MMP27: variants seen among roughly 807,000 people sequenced by gnomAD.
MMP27 encodes matrix metallopeptidase 27, also known as matrix metalloproteinase-27.
MMP27 carries 51 observed loss-of-function variants against 48.1 expected under a neutral mutation model. The observed-to-expected ratio is 1.06, with a 90% CI of 0.85 to 1.34. The LOEUF (loss-of-function observed/expected upper bound fraction) is 1.34. MMP27 is among the 40% of genes most tolerant of loss of function. The probability of loss-of-function intolerance (pLI) is 0.00; values close to 1 mark genes in which losing one functional copy is unlikely to be tolerated. For synonymous variants in MMP27, 229 were observed against 208.9 expected (o/e 1.10, Z -0.83); for missense variants, 698 against 619.3 (o/e 1.13, Z -1.35).
rs1260474057 is a variant in MMP27 at position 102,696,699 on chromosome 11, A to C, written c.756T>G (p.Asp252Glu). 3.1e-6 allele frequency: 5 copies of C among 1,613,510 alleles called. No individual in the cohort carries two copies. In the South Asian group the frequency reaches 5.5e-5, roughly 18 times the overall value. The change falls in exon 5 of 10, where the codon GAT becomes GAG. Residue 252 changes from aspartate (D) to glutamate (E), a missense_variant. Transcript: ENST00000260229. ...CATAGATGGACTGGATTCCATTGATATCATCCTGAGAAAGTGGGTATTTTC... is the reference window on the plus strand; with the variant it reads ...CATAGATGGACTGGATTCCATTGATCTCATCCTGAGAAAGTGGGTATTTTC... ...DPRKYPLSQDDINGIQSIYGG... is the reference protein window; with the variant it reads ...DPRKYPLSQDEINGIQSIYGG...
At position 102,698,105 on chromosome 11, in the gene MMP27, T is replaced by C. The variant is rs1427578728; in HGVS notation, c.620-1270A>G. ...TTTTTGTACAAGTAGGAGTACATTC[T>C]AAAATAACCATAAGAGGTATAGTAC... On this transcript the variant is annotated intron_variant, in intron 4 of 9. Transcript: ENST00000260229. Among the ~76,000 whole-genome samples the C allele has an allele frequency of 2.6e-5, 4 of 152,188 alleles. No individual in the cohort carries two copies. The East Asian group carries it at 7.7e-4, about 29-fold the overall frequency.
At position 102,703,113 on chromosome 11, in the gene MMP27, A is replaced by G. The variant is rs1565429624; in HGVS notation, c.347T>C (p.Ile116Thr). 3 of 1,609,598 alleles carry G rather than the reference A, an allele frequency of 1.9e-6. No homozygotes were observed. The highest frequency in any genetic ancestry group is 1.7e-5 in the Admixed American group (1 of 58,876). The part of the protein sequence containing the change: ...WRKYNLTYRI[I>T]NYTPDMARAA... ...TCGTGCCATATCCGGAGTATAGTTT[A>G]TTATTCTTAAAAATTAACAAAAATA... The change falls in exon 3 of 10, where the codon ATA becomes ACA. Residue 116 changes from isoleucine (I) to threonine (T), a missense_variant. Ile to Thr is a moderately conservative substitution (Grantham distance 89). Coordinates refer to ENST00000260229, the MANE Select transcript of MMP27 (RefSeq NM_022122.3).
At chr11:102,699,818 C>T (rs145337634) in intron 4 of MMP27, among the ~76,000 whole-genome samples, 1 of 152,320 alleles carries the variant, frequency 6.6e-6, no homozygotes, top group African/African-American at 2.4e-5. Flanking sequence ...ATCCTATTCG[C>T]CATTTTAGCC....
At chr11:102,698,060 A>G (rs1285267508) in intron 4 of MMP27, among the ~76,000 whole-genome samples, 1 of 152,064 alleles carries the variant, frequency 6.6e-6, no homozygotes. Context: ...ACAGTTACCT[A>G]TTCTTTCTTT....
At position 102,692,818 on chromosome 11, in the gene MMP27, G is replaced by T; in HGVS notation, c.1297+120C>A. The stretch of plus-strand genomic sequence containing the variant: ...GTTTGTGGGGTTAATGTTTATTATT[G>T]TATATACTTAAGAGTAGCAAAATTG... On this transcript the variant is annotated intron_variant, in intron 9 of 9. Coordinates refer to ENST00000260229, the MANE Select transcript of MMP27 (RefSeq NM_022122.3). The T allele has an allele frequency of 7.1e-6, 5 of 702,990 alleles. No homozygotes were observed. In the South Asian group the frequency reaches 7.1e-5, roughly 10 times the overall value. The allele number at this position is 702,990 out of a possible 1,614,324, so 43.5% of individuals were successfully genotyped here.
rs149812545 is a variant in MMP27 at position 102,691,986 on chromosome 11, G to T, written c.1322C>A (p.Ser441Ter). The change falls in exon 10 of 10, where the codon TCA (serine) becomes TAA (stop). Residue 441 changes from serine to a stop codon, truncating the protein, a stop_gained. Transcript: ENST00000260229. LOFTEE classifies it low-confidence loss of function (END_TRUNC). ...CTTAATGTCGTATTCAAATTGCTTT[G>T]ATCCACGGCTGAAAAAGAAGAATCC... ...YKGFFFFSRGSKQFEYDIKTK... is the reference protein window; with the variant it reads ...YKGFFFFSRG 5.6e-6 allele frequency: 9 copies of T among 1,605,502 alleles called. No individual in the cohort carries two copies. Among genetic ancestry groups the T allele is most frequent in the Non-Finnish European group, 7.7e-6 (9 of 1,175,462 alleles).
intron 4 of MMP27, among the ~76,000 whole-genome samples, chr11:102,702,355 C>T (rs1860955068): frequency 6.6e-6 from 1 of 152,238 alleles, no homozygotes; most frequent in Non-Finnish European, 1.5e-5. Context: ...CAGATGACTT[C>T]TGCCACTGGT....
intron 9 of MMP27, 65 bp from the exon 10 acceptor site, chr11:102,692,075 T>A: frequency 7.3e-7 from 1 of 1,365,868 alleles, no homozygotes; most frequent in Non-Finnish European, 9.6e-7. Flanking sequence ...ACTTTTAAAT[T>A]TTATAAACAT....
intron 4 of MMP27, among the ~76,000 whole-genome samples, chr11:102,701,429 A>G (rs1195300150): frequency 3.3e-5 from 5 of 152,210 alleles, no homozygotes; most frequent in African/African-American, 9.6e-5. Context: ...CTCTGCCTCT[A>G]GCTATGAAAG....
intron 6 of MMP27, among the ~76,000 whole-genome samples, chr11:102,696,080 G>T (rs1365301499): frequency 1.3e-5 from 2 of 152,206 alleles, no homozygotes; most frequent in Non-Finnish European, 2.9e-5. Flanking sequence ...GTTGGCTTCA[G>T]TAGGCCACTG....
chr11:102,701,908 G>A (rs1860946765), intron 4 of MMP27, among the ~76,000 whole-genome samples: 1 of 152,160 alleles, frequency 6.6e-6, no homozygotes, highest in Admixed American at 6.5e-5. Flanking sequence ...CTGTGTCCTT[G>A]TATACTATCC....
chr11:102,702,643 T>C, intron 4 of MMP27, 110 bp downstream of exon 4: 5 of 1,264,620 alleles, frequency 4.0e-6, no homozygotes, highest in Non-Finnish European at 5.5e-6. Flanking sequence ...TATGGAAAAT[T>C]GTGGGGACAT....
chr11:102,696,177 A>G (rs894794425), intron 6 of MMP27, among the ~76,000 whole-genome samples, 194 bp downstream of exon 6: 2 of 152,216 alleles, frequency 1.3e-5, no homozygotes, highest in Non-Finnish European at 2.9e-5. Flanking sequence ...AAAATTCCTT[A>G]AAGACATTTA....
At chr11:102,701,156 G>A (rs1346224852) in intron 4 of MMP27, among the ~76,000 whole-genome samples, 1 of 152,176 alleles carries the variant, frequency 6.6e-6, no homozygotes, top group Non-Finnish European at 1.5e-5. Context: ...TTTCTACTCT[G>A]AGGGACTGAA....
At chr11:102,701,888 C>T (rs1399791519) in intron 4 of MMP27, among the ~76,000 whole-genome samples, 2 of 152,264 alleles carry the variant, frequency 1.3e-5, no homozygotes, top group East Asian at 1.9e-4. Context: ...GATACATGGT[C>T]GGGAATGATC....
At position 102,704,585 on chromosome 11, in the gene MMP27, T is replaced by A; in HGVS notation, c.293A>T (p.Gln98Leu). 6.2e-7 allele frequency: 1 copy of A among 1,614,216 alleles called. No homozygotes were observed. The highest frequency in any genetic ancestry group is 8.5e-7 in the Non-Finnish European group (1 of 1,180,032). Residue 98 changes from glutamine to leucine, a missense_variant, in exon 2 of 10, where the codon CAG (glutamine) becomes CTG (leucine). Transcript: ENST00000260229. ...TPRCGVPDVG[Q>L]YGYTLPGWRK... ...CCACCCAGGGAGGGTGTAGCCATAC[T>A]GGCCCACATCAGGCACCCCACACCT... is the stretch of plus-strand genomic sequence containing the variant.
Position 102,691,930 on chromosome 11 carries a change from T to G in MMP27, c.1378A>C (p.Asn460His). ...GGTTCTTTGCATTGAAACCAAGTAT[T>G]AGTTCTCATGATTCGGGTAATATTC... The part of the protein sequence containing the change: ...TKNITRIMRT[N>H]TWFQCKEPKN... The change falls in exon 10 of 10, where the codon AAT (asparagine) becomes CAT (histidine). Residue 460 changes from asparagine (N) to histidine (H), a missense_variant. Physicochemically the swap from Asn to His is moderately conservative, Grantham distance 68. Transcript: ENST00000260229. The G allele has an allele frequency of 6.2e-7, 1 of 1,613,534 alleles. No homozygotes were observed.
At chr11:102,703,851 C>T (rs970578904) in intron 2 of MMP27, among the ~76,000 whole-genome samples, 4 of 152,160 alleles carry the variant, frequency 2.6e-5, no homozygotes, top group Non-Finnish European at 5.9e-5. Flanking sequence ...ACATGAGAAC[C>T]ACAAGAATTG....
chr11:102,703,318 C>T (rs1860981768), intron 2 of MMP27, among the ~76,000 whole-genome samples, 200 bp from the exon 3 acceptor site: 1 of 151,976 alleles, frequency 6.6e-6, no homozygotes, highest in Non-Finnish European at 1.5e-5. Context: ...CTTTATCTTC[C>T]CTATGAATCA....
Sources: gnomAD v4.1 joint callset for allele counts (sites outside exome capture counted in the v4.1 genomes callset) on GRCh38, gnomAD v4.1.1 for gene constraint, MANE v1.5 for transcripts, NCBI Gene and HGNC (gene_info 2026-07-23, HGNC 2026-07-21) for gene names.